The following DNASE1L3 variants were observed in gnomAD, a reference collection of about 807,000 sequenced individuals.
The protein encoded by DNASE1L3 is deoxyribonuclease 1L3.
Under a neutral mutation model 30.9 loss-of-function variants are expected in DNASE1L3, and 27 were observed. That is an observed-to-expected ratio of 0.87 (90% CI 0.64 to 1.20). The LOEUF (loss-of-function observed/expected upper bound fraction) is 1.20, where lower values mean the gene tolerates loss of function less well. DNASE1L3 is among the 50% of genes most tolerant of loss of function. The pLI is 0.00. For synonymous variants in DNASE1L3, 135 were observed against 138.0 expected, an observed-to-expected ratio of 0.98 and a Z score of 0.15; for missense variants, 364 against 378.2, an observed-to-expected ratio of 0.96 and a Z score of 0.31.
rs779242935 is a variant in DNASE1L3, at chr3:58,210,816, A to T, written c.91T>A (p.Phe31Ile). The T allele has an allele frequency of 6.2e-7, 1 of 1,614,124 alleles. No homozygotes were observed. The highest frequency in any genetic ancestry group is 8.5e-7 in the Non-Finnish European group (1 of 1,180,012). ...TTGTCTTCCTGCTTGCTTTCCCCAA[A>T]GGACCTGACGTTGAAGGAGCAGATC... ...MRICSFNVRS[F>I]GESKQEDKNA... The change falls in exon 1 of 8, where the codon TTT becomes ATT. Residue 31 changes from phenylalanine (F) to isoleucine (I), a missense_variant. Physicochemically the swap from Phe to Ile is conservative, Grantham distance 21 (BLOSUM62 0). Coordinates refer to ENST00000394549, the MANE Select transcript of DNASE1L3 (RefSeq NM_004944.4).
At chr3:58,209,025 A>G (rs1318767547) in intron 1 of DNASE1L3, among the ~76,000 whole-genome samples, 1 of 152,216 alleles carries the variant, frequency 6.6e-6, no homozygotes, top group Non-Finnish European at 1.5e-5. Context: ...AGATCACCTG[A>G]GGTCAGGAGT....
intron 6 of DNASE1L3, 112 bp from the exon 7 acceptor site, chr3:58,193,551 G>T: frequency 1.1e-6 from 1 of 896,242 alleles, no homozygotes; most frequent in Non-Finnish European, 1.7e-6. Context: ...GCCCTTTCAT[G>T]TGGCGCTCAA....
intron 1 of DNASE1L3, among the ~76,000 whole-genome samples, 159 bp downstream of exon 1, chr3:58,210,607 C>T (rs914097004): frequency 7.2e-5 from 11 of 152,186 alleles, no homozygotes; most frequent in East Asian, 1.9e-4. Context: ...TTTAAGATGA[C>T]GGCAGGAGGT....
intron 7 of DNASE1L3, chr3:58,193,052 C>T: frequency 2.1e-6 from 3 of 1,427,904 alleles, no homozygotes; most frequent in Admixed American, 3.0e-5. Context: ...CAGTGGTGAC[C>T]TCAAAGGGTG....
intron 2 of DNASE1L3, 64 bp downstream of exon 2, chr3:58,208,154 G>A: frequency 6.7e-7 from 1 of 1,501,572 alleles, no homozygotes; most frequent in Non-Finnish European, 9.2e-7. Context: ...TCAGTTCCCA[G>A]GGGTTTTCAG....
intron 4 of DNASE1L3, among the ~76,000 whole-genome samples, chr3:58,203,851 T>C (rs2097402264): frequency 6.6e-6 from 1 of 152,004 alleles, no homozygotes; most frequent in African/African-American, 2.4e-5. Context: ...GTGGCCTGGG[T>C]TACAACCCTG....
In DNASE1L3 at chr3:58,210,867, A is replaced by G. The variant is rs1398387974; in HGVS notation, c.40T>C (p.Ser14Pro). ...CTCATGGCCAGGGCGCTGTGGATGG[A>G]GAGGAGGAGAAGCAGCAGTGGGGCC... Reference protein sequence around the residue: ...ELAPLLLLLLSIHSALAMRIC... With the variant: ...ELAPLLLLLLPIHSALAMRIC... Residue 14 changes from serine (S) to proline (P), a missense_variant, in exon 1 of 8, where the codon TCC becomes CCC. Coordinates refer to ENST00000394549, the MANE Select transcript of DNASE1L3 (RefSeq NM_004944.4). 6.2e-7 allele frequency: 1 copy of G among 1,613,934 alleles called. No individual in the cohort carries two copies. The highest frequency in any genetic ancestry group is 8.5e-7 in the Non-Finnish European group (1 of 1,180,020).
intron 3 of DNASE1L3, 55 bp downstream of exon 3, chr3:58,205,416 A>T: frequency 6.8e-7 from 1 of 1,467,884 alleles, no homozygotes; most frequent in African/African-American, 1.4e-5. Context: ...ATGCATTTTG[A>T]TTCAATTCAC....
In DNASE1L3 at chr3:58,208,269, A is replaced by T; in HGVS notation, c.179T>A (p.Ile60Asn). Residue 60 changes from isoleucine (I) to asparagine (N), a missense_variant, in exon 2 of 8, where the codon ATC becomes AAC. Transcript: ENST00000394549. ...KRCDIILVME[I>N]KDSNNRICPI... The stretch of plus-strand genomic sequence containing the variant: ...GCAGATCCTGTTGTTGCTGTCCTTG[A>T]TTTCCATCACGAGTATGATGTCACA... 1 of 1,614,212 alleles carries T rather than the reference A, an allele frequency of 6.2e-7. No individual in the cohort carries two copies. Among genetic ancestry groups the T allele is most frequent in the Non-Finnish European group, 8.5e-7 (1 of 1,180,032 alleles).
At chr3:58,205,633 A>G in intron 2 of DNASE1L3, 73 bp from the exon 3 acceptor site, 1 of 1,336,682 alleles carries the variant, frequency 7.5e-7, no homozygotes, top group Non-Finnish European at 1.1e-6. Context: ...CTTTCTTTCC[A>G]ATCTGCCTCC....
intron 6 of DNASE1L3, among the ~76,000 whole-genome samples, chr3:58,194,341 GAC>G (rs1384123790): frequency 1.7e-5 from 1 of 58,968 alleles, no homozygotes; most frequent in Admixed American, 2.1e-4. Context: ...TTTTTTTTGA[GAC>G]ACAGTCATGC....
chr3:58,209,195 A>G (rs1440585367), intron 1 of DNASE1L3, among the ~76,000 whole-genome samples: 1 of 152,160 alleles, frequency 6.6e-6, no homozygotes, highest in Non-Finnish European at 1.5e-5. Context: ...TAGCTCTTGC[A>G]GTGTTTTGGG....
Position 58,192,555 on chromosome 3 carries a change from C to T in DNASE1L3, c.*132G>A. On this transcript the variant is annotated 3_prime_UTR_variant, in exon 8 of 8. Transcript: ENST00000394549. The surrounding 1 kb of genome is among the most constrained non-coding windows in gnomAD (Gnocchi z 4.8). Reference sequence around the variant, plus strand: ...ATTCTCCTTCCAATTTGGCTCAAGTCAGAATAAATTCAGGTCAAAAAATGA... The same window carrying T: ...ATTCTCCTTCCAATTTGGCTCAAGTTAGAATAAATTCAGGTCAAAAAATGA... 1 of 1,002,320 alleles carries T rather than the reference C, an allele frequency of 1.0e-6. No individual in the cohort carries two copies. The allele number at this position is 1,002,320 out of a possible 1,614,324, so 62.1% of individuals were successfully genotyped here. A position where few individuals can be genotyped will look rare whatever the true frequency, so the allele number is the denominator to read the frequency against.
At chr3:58,202,985 G>A (rs1223465373) in intron 4 of DNASE1L3, among the ~76,000 whole-genome samples, 2 of 152,136 alleles carry the variant, frequency 1.3e-5, no homozygotes, top group Non-Finnish European at 2.9e-5. Context: ...TTCCCCCACC[G>A]TTGGAGGACT....
At chr3:58,194,849 C>T (rs930565776) in intron 6 of DNASE1L3, among the ~76,000 whole-genome samples, 3 of 151,334 alleles carry the variant, frequency 2.0e-5, no homozygotes, top group Admixed American at 6.6e-5. Context: ...AGGATGGTCT[C>T]GATCTCCTGA....
In DNASE1L3 at chr3:58,200,765, A is replaced by G. The variant is rs911788397; in HGVS notation, c.546+232T>C. On this transcript the variant is annotated intron_variant, in intron 5 of 7. Coordinates refer to ENST00000394549, the MANE Select transcript of DNASE1L3 (RefSeq NM_004944.4). The surrounding 1 kb of genome is among the most constrained non-coding windows in gnomAD (Gnocchi z 4.2). ...AGCTATTCACTCAGTAAATGTTGGC[A>G]TCTGTTATTAATGGGAAAGTGTGGC... Among the ~76,000 whole-genome samples, 8 of 152,236 alleles carry G rather than the reference A, an allele frequency of 5.3e-5. No individual in the cohort carries two copies. Among genetic ancestry groups the G allele is most frequent in the Non-Finnish European group, 8.8e-5 (6 of 68,040 alleles).
chr3:58,208,288 T>C lies in DNASE1L3; in HGVS notation c.160A>G (p.Ile54Val). 1 of 1,614,248 alleles carries C rather than the reference T, an allele frequency of 6.2e-7. No individual in the cohort carries two copies. Reference protein sequence around the residue: ...VIVKVIKRCDIILVMEIKDSN... With the variant: ...VIVKVIKRCDVILVMEIKDSN... ...TCCTTGATTTCCATCACGAGTATGA[T>C]GTCACAGCGTTTGATGACCTGCAAG... Residue 54 changes from isoleucine (I) to valine (V), a missense_variant, in exon 2 of 8, where the codon ATC (isoleucine) becomes GTC (valine). Ile to Val is a conservative substitution (Grantham distance 29). Coordinates refer to ENST00000394549, the MANE Select transcript of DNASE1L3 (RefSeq NM_004944.4).
rs1282131721 is a variant in DNASE1L3, at chr3:58,204,843, T to C, written c.359A>G (p.His120Arg). The C allele has an allele frequency of 3.7e-6, 6 of 1,614,088 alleles. No individual in the cohort carries two copies. In the Admixed American group the frequency reaches 5.0e-5, roughly 13 times the overall value. ...ATCTGCGTCTCCATCCTGATAGTCATGGTAGTGATAACTCCTCTTCACAGA... is the reference window on the plus strand; with the variant it reads ...ATCTGCGTCTCCATCCTGATAGTCACGGTAGTGATAACTCCTCTTCACAGA... Reference protein sequence around the residue: ...LVSVKRSYHYHDYQDGDADVF... With the variant: ...LVSVKRSYHYRDYQDGDADVF... The change falls in exon 4 of 8, where the codon CAT becomes CGT. Residue 120 changes from histidine (H) to arginine (R), a missense_variant. By Grantham distance (29) the His-to-Arg change is conservative. Transcript: ENST00000394549.
At chr3:58,210,636 T>G in intron 1 of DNASE1L3, 130 bp downstream of exon 1, 1 of 1,402,276 alleles carries the variant, frequency 7.1e-7, no homozygotes, top group African/African-American at 1.4e-5. Flanking sequence ...TTGAAGTGGT[T>G]ATTGTTCCAA....
Sources: allele counts gnomAD v4.1 joint callset (sites outside exome capture counted in the v4.1 genomes callset), GRCh38; gene constraint gnomAD v4.1.1; non-coding constraint Gnocchi (gnomAD v3.1); transcripts MANE v1.5; gene names NCBI Gene and HGNC (gene_info 2026-07-23, HGNC 2026-07-21).